The following ZFHX3 variants were observed in gnomAD, a reference collection of about 807,000 sequenced individuals.
ZFHX3 encodes the protein zinc finger homeobox 3, also known as zinc finger homeobox protein 3.
Under a neutral mutation model 279.1 loss-of-function variants are expected in ZFHX3, and 42 were observed. The ratio of observed to expected loss-of-function variants is 0.15; its 90% CI spans 0.12 to 0.19. The LOEUF is 0.19. Among genes scored for constraint, ZFHX3 ranks in the 10% least tolerant of loss-of-function variants. The pLI is 1.00. For missense variants in ZFHX3, 4,981 were observed against 4,754.0 expected (o/e 1.05, Z -1.40); for synonymous variants, 2,293 against 1,957.8 (o/e 1.17, Z -4.52).
intron 1 of ZFHX3, among the ~76,000 whole-genome samples, chr16:73,806,876 G>A (rs1379187638): frequency 6.6e-6 from 1 of 152,126 alleles, no homozygotes; most frequent in Non-Finnish European, 1.5e-5. Flanking sequence ...TATTGGCTGT[G>A]AACTAGACGG....
chr16:73,372,702 G>T (rs1417633181), intron 3 of ZFHX3, among the ~76,000 whole-genome samples: 1 of 152,212 alleles, frequency 6.6e-6, no homozygotes, highest in Non-Finnish European at 1.5e-5. Flanking sequence ...TGATTTTGAG[G>T]AAGGACAGGA....
chr16:72,888,075 T>C (rs2038675629), intron 4 of ZFHX3, among the ~76,000 whole-genome samples: 1 of 152,086 alleles, frequency 6.6e-6, no homozygotes, highest in Non-Finnish European at 1.5e-5. Flanking sequence ...CGTAGAAGTA[T>C]GAGAAGAAAC....
chr16:73,677,711 T>C (rs565399443), intron 2 of ZFHX3, among the ~76,000 whole-genome samples: 58 of 151,932 alleles, frequency 3.8e-4, no homozygotes, highest in Non-Finnish European at 7.4e-4. Context: ...TTGATTCAAA[T>C]AGAAATAGAA....
intron 3 of ZFHX3, among the ~76,000 whole-genome samples, chr16:73,417,396 C>CTT (rs57283343): frequency 0.12 from 14,694 of 118,644 alleles, 1,571 homozygotes; most frequent in East Asian, 0.44. Flanking sequence ...TTTTTCTTTT[C>CTT]TTTTTTTTTT....
chr16:73,727,238 G>T (rs1448719868), intron 1 of ZFHX3, among the ~76,000 whole-genome samples: 1 of 152,172 alleles, frequency 6.6e-6, no homozygotes, highest in Non-Finnish European at 1.5e-5. Flanking sequence ...GCACAACTGG[G>T]GCCCCCCACC....
chr16:73,630,220 GACAA>G (rs1226072988), intron 2 of ZFHX3, among the ~76,000 whole-genome samples: 1 of 152,148 alleles, frequency 6.6e-6, no homozygotes, highest in East Asian at 1.9e-4. Flanking sequence ...AGAAAATAAA[GACAA>G]ACAAACATCT....
intron 3 of ZFHX3, among the ~76,000 whole-genome samples, chr16:73,342,720 A>G (rs2143262531): frequency 6.6e-6 from 1 of 152,286 alleles, no homozygotes; most frequent in East Asian, 1.9e-4. Flanking sequence ...TACAGGTGGG[A>G]GGGCTAGGAA....
At chr16:73,602,763 G>A (rs61310502) in intron 2 of ZFHX3, among the ~76,000 whole-genome samples, 2,136 of 151,714 alleles carry the variant, frequency 0.014, 52 homozygotes, top group African/African-American at 0.049. Context: ...TGGCCAACAT[G>A]GTGAAACCCC....
intron 4 of ZFHX3, among the ~76,000 whole-genome samples, chr16:72,874,061 TC>T (rs1319350482): frequency 3.0e-4 from 45 of 152,260 alleles, no homozygotes; most frequent in African/African-American, 1.1e-3. Flanking sequence ...TATGATGCAG[TC>T]CCAGCCAATG....
At chr16:72,854,829 G>C (rs2037710390) in intron 4 of ZFHX3, among the ~76,000 whole-genome samples, 1 of 150,578 alleles carries the variant, frequency 6.6e-6, no homozygotes, top group Non-Finnish European at 1.5e-5. Context: ...ACTTAGCTGG[G>C]TACCTCCCAG....
chr16:73,135,936 C>T (rs1407600795), intron 6 of ZFHX3, among the ~76,000 whole-genome samples: 1 of 151,704 alleles, frequency 6.6e-6, no homozygotes, highest in Admixed American at 6.6e-5. Flanking sequence ...CGGCTCACTG[C>T]AACCTCCACC....
chr16:73,077,657 T>C (rs951896687), intron 8 of ZFHX3, among the ~76,000 whole-genome samples: 1 of 152,214 alleles, frequency 6.6e-6, no homozygotes, highest in African/African-American at 2.4e-5. Flanking sequence ...ACCTCCACTT[T>C]GACAAGCCTA....
chr16:73,163,142 C>A (rs1239039017), intron 5 of ZFHX3, among the ~76,000 whole-genome samples: 1 of 152,188 alleles, frequency 6.6e-6, no homozygotes, highest in African/African-American at 2.4e-5. Context: ...TTTAACTCTG[C>A]CTGGCTTGAT....
At chr16:72,942,357 C>T (rs1204016085) in intron 3 of ZFHX3, among the ~76,000 whole-genome samples, 1 of 152,200 alleles carries the variant, frequency 6.6e-6, no homozygotes, top group African/African-American at 2.4e-5. Flanking sequence ...TACAGACCAC[C>T]CCTAAGACGG....
At chr16:73,289,549 G>A (rs1010376096) in intron 4 of ZFHX3, among the ~76,000 whole-genome samples, 1 of 152,024 alleles carries the variant, frequency 6.6e-6, no homozygotes, top group East Asian at 1.9e-4. Flanking sequence ...GCAGCTCAGA[G>A]GTACTGCTCT....
At chr16:73,129,665 C>CG in intron 7 of ZFHX3, among the ~76,000 whole-genome samples, 2 of 150,912 alleles carry the variant, frequency 1.3e-5, no homozygotes, top group Non-Finnish European at 3.0e-5. Context: ...TGTATGTGTG[C>CG]CCACGCCTGT....
intron 5 of ZFHX3, among the ~76,000 whole-genome samples, chr16:73,174,680 T>C (rs777432817): frequency 9.2e-5 from 14 of 151,856 alleles, no homozygotes; most frequent in Non-Finnish European, 4.4e-5. Flanking sequence ...TCCTGCCCCA[T>C]TGCAGTCCGC....
At chr16:72,820,355 T>C (rs962055273) in intron 5 of ZFHX3, among the ~76,000 whole-genome samples, 3 of 152,316 alleles carry the variant, frequency 2.0e-5, no homozygotes, top group African/African-American at 7.2e-5. Context: ...CCACACTGAT[T>C]TGAGTTCCCA....
chr16:73,313,005 T>G (rs1455096741), intron 4 of ZFHX3, among the ~76,000 whole-genome samples: 1 of 152,214 alleles, frequency 6.6e-6, no homozygotes, highest in African/African-American at 2.4e-5. Flanking sequence ...AACCTCATGT[T>G]GAATTGTCAT....
Sources: gnomAD v4.1 joint callset for allele counts (sites outside exome capture counted in the v4.1 genomes callset) on GRCh38, gnomAD v4.1.1 for gene constraint, MANE v1.5 for transcripts, NCBI Gene and HGNC (gene_info 2026-07-23, HGNC 2026-07-21) for gene names.